The following API5 variants were observed in gnomAD, a reference collection of about 807,000 sequenced individuals.
The protein encoded by API5 is apoptosis inhibitor 5.
API5 carries 6 observed loss-of-function variants against 71.9 expected under a neutral mutation model. That is an observed-to-expected ratio of 0.08 (90% CI 0.05 to 0.16). The LOEUF is 0.16. API5 is among the 10% of genes least tolerant of loss of function. The pLI is 1.00. For missense variants in API5, 332 were observed against 612.8 expected (o/e 0.54, Z 4.84); for synonymous variants, 189 against 221.3 (o/e 0.85, Z 1.30).
rs1855155317 is a variant in API5 at position 43,328,777 on chromosome 11, G to A, written c.1011G>A (p.Lys337=). 1 of 1,613,982 alleles carries A rather than the reference G, an allele frequency of 6.2e-7. No individual in the cohort carries two copies. Among genetic ancestry groups the A allele is most frequent in the Non-Finnish European group, 8.5e-7 (1 of 1,179,936 alleles). The stretch of plus-strand genomic sequence containing the variant: ...AGAATGCTGGTAATGAAGAACCCAA[G>A]CTACAGTTCAGTTATGTGGAATGTT... The part of the protein sequence containing the change: ...NGENAGNEEP[K]LQFSYVECLL... Residue 337 remains lysine, a synonymous_variant, in exon 9 of 14, where the codon AAG becomes AAA. Transcript: ENST00000531273.
chr11:43,325,143 T>A (rs1855026995), intron 6 of API5, among the ~76,000 whole-genome samples: 1 of 152,084 alleles, frequency 6.6e-6, no homozygotes, highest in Non-Finnish European at 1.5e-5. Context: ...TACAAAACAT[T>A]TTTCACCAAA....
Position 43,344,264 on chromosome 11 carries a change from T to C in API5, c.*1754T>C, listed in dbSNP as rs528919065. On this transcript the variant is annotated 3_prime_UTR_variant, in exon 14 of 14. Transcript: ENST00000531273. ...AATATAATTTTACCACTTTTTGTCT[T>C]TATAAGCATATTTGTAAACTCAGAA... The C allele has an allele frequency of 1.2e-4, 19 of 152,730 alleles. No homozygotes were observed. Among genetic ancestry groups the C allele is most frequent in the African/African-American group, 4.3e-4 (18 of 41,578 alleles). 9.5% of individuals were successfully genotyped at this position (152,730 alleles called of 1,614,324 possible). A position where few individuals can be genotyped will look rare whatever the true frequency, so the allele number is the denominator to read the frequency against.
At chr11:43,333,579 A>G (rs1158108993) in intron 11 of API5, among the ~76,000 whole-genome samples, 2 of 152,226 alleles carry the variant, frequency 1.3e-5, no homozygotes, top group Non-Finnish European at 2.9e-5. Context: ...AGATAGATAT[A>G]TGACTGGCTA....
intron 2 of API5, among the ~76,000 whole-genome samples, chr11:43,319,847 C>T (rs997114869): frequency 1.3e-5 from 2 of 152,148 alleles, no homozygotes; most frequent in African/African-American, 4.8e-5. Context: ...CTAGGTATAA[C>T]ATTGCCACAG....
In API5 at chr11:43,318,795, T is replaced by A; in HGVS notation, c.225T>A (p.Asp75Glu). 6.2e-7 allele frequency: 1 copy of A among 1,612,082 alleles called. No homozygotes were observed. ...NAQLDLCEDEDVSIRRQAIKE... is the reference protein window; with the variant it reads ...NAQLDLCEDEEVSIRRQAIKE... ...AGTTAGACCTCTGTGAGGATGAAGA[T>A]GTATCTGTAAGTTTATGAATGACAC... Residue 75 changes from aspartate (D) to glutamate (E), a missense_variant, in exon 2 of 14, where the codon GAT becomes GAA. Physicochemically the swap from Asp to Glu is conservative, Grantham distance 45. Transcript: ENST00000531273.
rs759791687 is a variant in API5 at position 43,321,448 on chromosome 11, A to G, written c.363A>G (p.Leu121=). ...AATTTAACCTAGTGAACAATGCCCT[A>G]TTAAGTATATTTAAAATGGATGCAA... The part of the protein sequence containing the change: ...SAEFNLVNNA[L]LSIFKMDAKG... The change falls in exon 4 of 14, where the codon CTA becomes CTG. Residue 121 remains leucine, a synonymous_variant. Coordinates refer to ENST00000531273, the MANE Select transcript of API5 (RefSeq NM_001142930.2). 6.8e-6 allele frequency: 11 copies of G among 1,611,544 alleles called. No homozygotes were observed. The highest frequency in any genetic ancestry group is 7.6e-6 in the Non-Finnish European group (9 of 1,178,540).
chr11:43,324,454 A>G (rs1286404021), intron 6 of API5, among the ~76,000 whole-genome samples: 1 of 152,108 alleles, frequency 6.6e-6, no homozygotes, highest in Non-Finnish European at 1.5e-5. Flanking sequence ...ACACAATTTA[A>G]AGGAACTATC....
chr11:43,327,363 C>G (rs1855108573), intron 7 of API5, among the ~76,000 whole-genome samples: 1 of 152,230 alleles, frequency 6.6e-6, no homozygotes, highest in Non-Finnish European at 1.5e-5. Flanking sequence ...ATGAGGCCCA[C>G]CTTAACCATG....
At chr11:43,315,872 C>A (rs1854652026) in intron 1 of API5, among the ~76,000 whole-genome samples, 1 of 152,100 alleles carries the variant, frequency 6.6e-6, no homozygotes, top group Non-Finnish European at 1.5e-5. Context: ...ATTTAAAATT[C>A]TGTTTCAAAT....
chr11:43,341,048 G>A (rs1330830650), intron 13 of API5, among the ~76,000 whole-genome samples: 1 of 152,122 alleles, frequency 6.6e-6, no homozygotes, highest in Non-Finnish European at 1.5e-5. Flanking sequence ...TTAATATTCA[G>A]AATATAGAAG....
At chr11:43,322,541 T>G (rs1372657168) in intron 5 of API5, among the ~76,000 whole-genome samples, 2 of 152,236 alleles carry the variant, frequency 1.3e-5, no homozygotes, top group East Asian at 3.8e-4. Context: ...CCCTTGACAC[T>G]ATCTGCTCTT....
At chr11:43,319,129 G>T in intron 2 of API5, 1 of 239,374 alleles carries the variant, frequency 4.2e-6, no homozygotes, top group Non-Finnish European at 8.0e-6. Context: ...TAATCAATTT[G>T]TGCTTACTTG....
intron 2 of API5, 138 bp downstream of exon 2, chr11:43,318,939 C>A: frequency 2.6e-6 from 2 of 755,592 alleles, no homozygotes; most frequent in East Asian, 2.8e-5. Flanking sequence ...CACACCCAGG[C>A]TTAAATTTAC....
chr11:43,322,198 C>G (rs1448922875), intron 5 of API5, 62 bp downstream of exon 5: 2 of 1,456,044 alleles, frequency 1.4e-6, no homozygotes, highest in Admixed American at 4.2e-5. Context: ...TTGACATTGG[C>G]AGTATTCGTC....
chr11:43,312,236 C>T (rs1288142693), intron 1 of API5, 40 bp downstream of exon 1: 2 of 1,599,050 alleles, frequency 1.3e-6, no homozygotes, highest in East Asian at 2.2e-5. Flanking sequence ...GCCTGGCGCT[C>T]CGCGGCCTTT....
rs751867816 is a variant in API5, at chr11:43,342,415, C to T, written c.1493-13C>T. 1.3e-5 allele frequency: 21 copies of T among 1,581,910 alleles called. No individual in the cohort carries two copies. In the South Asian group the frequency reaches 1.8e-4, roughly 13 times the overall value. On this transcript the variant is annotated splice_polypyrimidine_tract_variant and intron_variant, in intron 13 of 13. Coordinates refer to ENST00000531273, the MANE Select transcript of API5 (RefSeq NM_001142930.2). ...CCTAAGCAAGACCTAAACCCTTGTTCGCTTTTTCGTAGAGCAGAGAGGAGC... is the reference window on the plus strand; with the variant it reads ...CCTAAGCAAGACCTAAACCCTTGTTTGCTTTTTCGTAGAGCAGAGAGGAGC...
intron 6 of API5, among the ~76,000 whole-genome samples, chr11:43,324,853 A>G (rs999196805): frequency 1.3e-5 from 2 of 151,714 alleles, no homozygotes; most frequent in Non-Finnish European, 2.9e-5. Context: ...GATTTTTTGT[A>G]TTTTTAGTAG....
chr11:43,343,272 C>G lies in API5; in HGVS notation c.*762C>G, dbSNP rs1855682839. 3.3e-5 allele frequency: 5 copies of G among 152,150 alleles called. No homozygotes were observed. The South Asian group carries it at 1.0e-3, about 32-fold the overall frequency. The allele number at this position is 152,150 out of a possible 1,614,324, so 9.4% of individuals were successfully genotyped here. A position where few individuals can be genotyped will look rare whatever the true frequency, so the allele number is the denominator to read the frequency against. On this transcript the variant is annotated 3_prime_UTR_variant, in exon 14 of 14. Transcript: ENST00000531273. ...CACAACATAAATCACTTTTTAAATT[C>G]CAGGAACGGGTAGTCTGACACGGTG... is the stretch of plus-strand genomic sequence containing the variant.
intron 13 of API5, among the ~76,000 whole-genome samples, chr11:43,339,754 C>G (rs1026005840): frequency 2.6e-5 from 4 of 152,034 alleles, no homozygotes; most frequent in Non-Finnish European, 4.4e-5. Context: ...AGTCCAGTTG[C>G]GTGAAATACT....
Sources: gnomAD v4.1 joint callset for allele counts (sites outside exome capture counted in the v4.1 genomes callset) on GRCh38, gnomAD v4.1.1 for gene constraint, MANE v1.5 for transcripts, NCBI Gene and HGNC (gene_info 2026-07-23, HGNC 2026-07-21) for gene names.